Variants in ZFHX3 observed in about 807,000 individuals in gnomAD.
ZFHX3 encodes zinc finger homeobox 3, also known as zinc finger homeobox protein 3.
In ZFHX3, 42 loss-of-function variants were observed where a neutral mutation model predicts 279.1. The observed-to-expected ratio is 0.15, with a 90% CI of 0.12 to 0.19. The LOEUF is 0.19. ZFHX3 is among the 10% of genes least tolerant of loss of function. ZFHX3 has a pLI of 1.00. For missense variants in ZFHX3, 4,981 were observed against 4,754.0 expected (o/e 1.05, Z -1.40); for synonymous variants, 2,293 against 1,957.8 (o/e 1.17, Z -4.52).
At chr16:72,975,276 T>C (rs1962299533) in intron 1 of ZFHX3, among the ~76,000 whole-genome samples, 1 of 151,994 alleles carries the variant, frequency 6.6e-6, no homozygotes, top group African/African-American at 2.4e-5. Flanking sequence ...ACACCCTCTA[T>C]ACTAAAAATA....
intron 5 of ZFHX3, among the ~76,000 whole-genome samples, chr16:73,217,833 G>C (rs549664166): frequency 6.6e-6 from 1 of 151,918 alleles, no homozygotes; most frequent in South Asian, 2.1e-4. Flanking sequence ...GCTCCAAGGC[G>C]GTCCAGACTT....
chr16:73,651,250 A>G (rs1367718465), intron 2 of ZFHX3, among the ~76,000 whole-genome samples: 3 of 151,564 alleles, frequency 2.0e-5, no homozygotes, highest in Non-Finnish European at 2.9e-5. Context: ...AAAAAAAAGC[A>G]GGGAAATGAA....
At chr16:73,810,305 T>C (rs986348651) in intron 1 of ZFHX3, among the ~76,000 whole-genome samples, 1 of 152,170 alleles carries the variant, frequency 6.6e-6, no homozygotes, top group African/African-American at 2.4e-5. Context: ...CTTGGGAGTA[T>C]TTGGGCCCCT....
intron 5 of ZFHX3, among the ~76,000 whole-genome samples, chr16:73,212,423 T>C (rs751086264): frequency 4.5e-4 from 69 of 152,346 alleles, no homozygotes; most frequent in Non-Finnish European, 7.9e-4. Context: ...TATGTTAGCA[T>C]GTAGACTTGA....
At chr16:73,174,798 A>G (rs1212534009) in intron 5 of ZFHX3, among the ~76,000 whole-genome samples, 1 of 150,154 alleles carries the variant, frequency 6.7e-6, no homozygotes, top group Non-Finnish European at 1.5e-5. Flanking sequence ...TGGGTGGATC[A>G]CTTGAGGTCA....
chr16:72,813,680 C>T (rs1004359305), intron 5 of ZFHX3, among the ~76,000 whole-genome samples: 1 of 152,150 alleles, frequency 6.6e-6, no homozygotes, highest in Non-Finnish European at 1.5e-5. Context: ...TAATCTGTCT[C>T]GAATCGACTT....
chr16:73,026,562 T>C (rs1440102680), intron 1 of ZFHX3, among the ~76,000 whole-genome samples: 1 of 146,792 alleles, frequency 6.8e-6, no homozygotes, highest in African/African-American at 2.6e-5. Context: ...TCCCAGCTAC[T>C]TGGAAGGCTG....
rs374597834 is a variant in ZFHX3 at position 73,830,600 on chromosome 16, T to G, written c.-1608+61051A>C. Among the ~76,000 whole-genome samples, 20 of 152,288 alleles carry G rather than the reference T, an allele frequency of 1.3e-4. 1 individual carries two copies. The highest frequency in any genetic ancestry group is 7.7e-4 in the East Asian group (4 of 5,188). ...ATTTTATTCCCATTTCCTGTGAAAA[T>G]TCCCATATCTGAGATGCCCTGGCTC... is the stretch of plus-strand genomic sequence containing the variant. On this transcript the variant is annotated intron_variant, in intron 1 of 17. Transcript: ENST00000641206.
At chr16:73,309,161 G>A (rs898058420) in intron 4 of ZFHX3, among the ~76,000 whole-genome samples, 1 of 151,980 alleles carries the variant, frequency 6.6e-6, no homozygotes, top group Non-Finnish European at 1.5e-5. Flanking sequence ...CTGTTTTATG[G>A]ACTATTTTGT....
rs776147659 is a variant in ZFHX3, at chr16:72,795,568, T to C, written c.7114A>G (p.Met2372Val). 9 of 1,613,948 alleles carry C rather than the reference T, an allele frequency of 5.6e-6. No individual in the cohort carries two copies. Among genetic ancestry groups the C allele is most frequent in the African/African-American group, 4.0e-5 (3 of 74,894 alleles). Residue 2372 changes from methionine (M) to valine (V), a missense_variant, in exon 9 of 10, where the codon ATG (methionine) becomes GTG (valine). Met to Val is a conservative substitution (Grantham distance 21, BLOSUM62 1). Around this residue, in one of 7 missense-constraint regions of ZFHX3, gnomAD observed 744 missense variants for 701.3 expected, o/e 1.06. Coordinates refer to ENST00000268489, the MANE Select transcript of ZFHX3 (RefSeq NM_006885.4). ...DSQNEDSMDA[M>V]EILTPTSSSC... Reference sequence around the variant, plus strand: ...GAGCTGGTAGGCGTCAGGATTTCCATGGCATCCATGGAATCCTCATTTTGG... The same window carrying C: ...GAGCTGGTAGGCGTCAGGATTTCCACGGCATCCATGGAATCCTCATTTTGG...
intron 2 of ZFHX3, among the ~76,000 whole-genome samples, chr16:73,564,425 A>C (rs559587342): frequency 6.6e-6 from 1 of 152,290 alleles, no homozygotes; most frequent in East Asian, 1.9e-4. Flanking sequence ...CTATCCCTTC[A>C]AGATGGGCCT....
chr16:73,806,977 G>A (rs1960294449), intron 1 of ZFHX3, among the ~76,000 whole-genome samples: 1 of 152,176 alleles, frequency 6.6e-6, no homozygotes, highest in African/African-American at 2.4e-5. Flanking sequence ...AGGTGAGGAG[G>A]ATGGAGGAAA....
rs556784616 is a variant in ZFHX3 at position 73,637,787 on chromosome 16, G to C, written c.-1547+42393C>G. ...AAAAAAGTTTGCATATTGCATAAAA[G>C]ACAAAAATCTGCAATATATACAAAG... On this transcript the variant is annotated intron_variant, in intron 2 of 17. Transcript: ENST00000641206. Among the ~76,000 whole-genome samples the C allele has an allele frequency of 5.3e-5, 8 of 151,716 alleles. No individual in the cohort carries two copies. The East Asian group carries it at 1.6e-3, about 30-fold the overall frequency.
rs189189850 is a variant in ZFHX3 at position 73,339,275 on chromosome 16, T to C, written c.-1290-20939A>G. ...ACTTTTTCTTCTTCACCTGCTCTCC[T>C]CTGCCTTGTAATGAAGTTGTTTGTG... On this transcript the variant is annotated intron_variant, in intron 3 of 17. Transcript: ENST00000641206. Among the ~76,000 whole-genome samples the C allele has an allele frequency of 2.6e-5, 4 of 152,334 alleles. No homozygotes were observed. The East Asian group carries it at 5.8e-4, about 22-fold the overall frequency.
intron 3 of ZFHX3, among the ~76,000 whole-genome samples, chr16:73,393,080 C>T (rs117098859): frequency 6.6e-6 from 1 of 152,270 alleles, no homozygotes; most frequent in East Asian, 1.9e-4. Context: ...GGTGACCTGC[C>T]CACCTTGGCT....
intron 3 of ZFHX3, among the ~76,000 whole-genome samples, chr16:73,346,534 C>T (rs371954211): frequency 1.3e-5 from 2 of 152,130 alleles, no homozygotes; most frequent in Admixed American, 1.3e-4. Context: ...TGCAGAGGTG[C>T]GATCTCGGCT....
intron 2 of ZFHX3, chr16:73,543,885 G>GGAGAGAGAGAGAGAGAGAGAGAGAGAGA (rs762967059): frequency 7.3e-5 from 10 of 136,506 alleles, no homozygotes; most frequent in African/African-American, 1.5e-4. Flanking sequence ...AGCGAGAGAG[G>GGAGAGAGAGAGAGAGAGAGAGAGAGAGA]GAGAGAGAGA....
chr16:73,181,281 A>T (rs1967789973), intron 5 of ZFHX3, among the ~76,000 whole-genome samples: 1 of 151,784 alleles, frequency 6.6e-6, no homozygotes, highest in Non-Finnish European at 1.5e-5. Context: ...TTGTATTTTT[A>T]GTAGAGATAA....
chr16:73,773,621 C>T (rs1455884933), intron 1 of ZFHX3, among the ~76,000 whole-genome samples: 1 of 152,136 alleles, frequency 6.6e-6, no homozygotes, highest in Non-Finnish European at 1.5e-5. Context: ...GAGGGCCATC[C>T]GGGAAGGCCT....
Sources: gnomAD v4.1 joint callset for allele counts (sites outside exome capture counted in the v4.1 genomes callset) on GRCh38, gnomAD v4.1.1 for gene constraint, gnomAD v4.1.1 regional missense constraint, MANE v1.5 for transcripts, NCBI Gene and HGNC (gene_info 2026-07-23, HGNC 2026-07-21) for gene names.